The following CDK19 variants were observed in gnomAD, a reference collection of about 807,000 sequenced individuals.
CDK19 encodes cyclin dependent kinase 19, also known as cyclin-dependent kinase 19.
CDK19 carries 20 observed loss-of-function variants against 68.3 expected under a neutral mutation model. That is an observed-to-expected ratio of 0.29 (90% CI 0.21 to 0.43). The LOEUF (loss-of-function observed/expected upper bound fraction) is 0.43, where lower values mean the gene tolerates loss of function less well. Among genes scored for constraint, CDK19 ranks in the 20% least tolerant of loss-of-function variants. The pLI, the probability that CDK19 is intolerant of heterozygous loss-of-function variation, is 1.00. For synonymous variants in CDK19, 221 were observed against 222.8 expected (o/e 0.99, Z 0.07); for missense variants, 339 against 623.5 (o/e 0.54, Z 4.86).
intron 4 of CDK19, among the ~76,000 whole-genome samples, chr6:110,645,507 A>G (rs888614530): frequency 2.0e-5 from 3 of 152,192 alleles, no homozygotes; most frequent in African/African-American, 7.2e-5. Context: ...AAAAATAGAG[A>G]AAGAGAAAAG....
At chr6:110,730,238 T>C (rs532238054) in intron 2 of CDK19, among the ~76,000 whole-genome samples, 2 of 152,268 alleles carry the variant, frequency 1.3e-5, no homozygotes, top group East Asian at 1.9e-4. Context: ...AAAAAGGAAG[T>C]AGCTATAGTG....
chr6:110,726,598 C>T (rs1450695922), intron 2 of CDK19, among the ~76,000 whole-genome samples: 3 of 152,060 alleles, frequency 2.0e-5, no homozygotes. Context: ...ATATTTTGAA[C>T]TAGTGGTTTG....
At position 110,646,672 on chromosome 6, in the gene CDK19, T is replaced by C. The variant is rs145183478; in HGVS notation, c.457-7966A>G. On this transcript the variant is annotated intron_variant, in intron 4 of 12. Coordinates refer to ENST00000368911, the MANE Select transcript of CDK19 (RefSeq NM_015076.5). ...CCCTTTTCCCTTTGGCTTTGCTATA[T>C]GTCTCTCTGGGAATTTCTGGAATCT... The C allele has an allele frequency of 2.3e-3, 1,089 of 482,882 alleles. 4 individuals are homozygous for C. The highest frequency in any genetic ancestry group is 0.019 in the African/African-American group (968 of 50,826). 29.9% of individuals were successfully genotyped at this position (482,882 alleles called of 1,614,324 possible).
chr6:110,814,746 G>C (rs557992139), intron 1 of CDK19: 2 of 636,232 alleles, frequency 3.1e-6, no homozygotes, highest in Admixed American at 4.2e-5. Context: ...CGCCGTCTCC[G>C]AGCACTCGGA....
chr6:110,660,936 C>T (rs1175986396), intron 4 of CDK19, among the ~76,000 whole-genome samples: 1 of 152,144 alleles, frequency 6.6e-6, no homozygotes, highest in African/African-American at 2.4e-5. Context: ...AGGGACCCAC[C>T]CTCTTCTGCC....
intron 2 of CDK19, among the ~76,000 whole-genome samples, chr6:110,695,339 T>C (rs1231623113): frequency 2.6e-5 from 4 of 152,076 alleles, no homozygotes; most frequent in African/African-American, 9.7e-5. Flanking sequence ...GCAAAACCTC[T>C]GGGATACAGA....
At chr6:110,731,130 GAAAAGAA>G (rs1010973058) in intron 2 of CDK19, among the ~76,000 whole-genome samples, 39 of 142,358 alleles carry the variant, frequency 2.7e-4, no homozygotes, top group African/African-American at 1.2e-3. Context: ...GAAAAGAAAA[GAAAAGAA>G]AAAAGAAAAG....
chr6:110,639,407 G>A (rs1452934259), intron 4 of CDK19, among the ~76,000 whole-genome samples: 1 of 152,176 alleles, frequency 6.6e-6, no homozygotes, highest in African/African-American at 2.4e-5. Flanking sequence ...GAAGGAAAAT[G>A]TATGTGTTAT....
intron 2 of CDK19, among the ~76,000 whole-genome samples, chr6:110,698,897 C>T (rs770714362): frequency 6.6e-6 from 1 of 151,446 alleles, no homozygotes; most frequent in Admixed American, 6.6e-5. Flanking sequence ...ATGATAAAAC[C>T]CCATCTCTAC....
At chr6:110,631,107 C>T (rs1779410077) in intron 6 of CDK19, among the ~76,000 whole-genome samples, 1 of 152,152 alleles carries the variant, frequency 6.6e-6, no homozygotes, top group Non-Finnish European at 1.5e-5. Flanking sequence ...TAATTTTATA[C>T]TTGCAGTGCC....
chr6:110,803,341 A>T (rs2115120185), intron 1 of CDK19, among the ~76,000 whole-genome samples: 1 of 152,338 alleles, frequency 6.6e-6, no homozygotes, highest in East Asian at 1.9e-4. Context: ...GGCCTCCCAA[A>T]GTGCTGGGAT....
intron 1 of CDK19, among the ~76,000 whole-genome samples, chr6:110,763,339 G>A (rs756705310): frequency 2.0e-5 from 3 of 151,374 alleles, no homozygotes; most frequent in African/African-American, 4.9e-5. Context: ...ATTATAATTC[G>A]TGGAGAGAAA....
chr6:110,665,159 G>A (rs142015600), intron 4 of CDK19, among the ~76,000 whole-genome samples: 81 of 152,296 alleles, frequency 5.3e-4, no homozygotes, highest in African/African-American at 1.8e-3. Context: ...TCAGAAGGTC[G>A]AAAGTAGATT....
At chr6:110,755,387 T>C (rs1049715464) in intron 1 of CDK19, among the ~76,000 whole-genome samples, 15 of 152,126 alleles carry the variant, frequency 9.9e-5, no homozygotes, top group African/African-American at 3.6e-4. Context: ...GGGTACAATC[T>C]AATAAATGCT....
intron 6 of CDK19, 151 bp downstream of exon 6, chr6:110,631,879 C>A: frequency 1.4e-6 from 1 of 701,712 alleles, no homozygotes. Flanking sequence ...AGTTAACAAT[C>A]TAAATCTACC....
At chr6:110,719,991 C>A (rs999778879) in intron 2 of CDK19, among the ~76,000 whole-genome samples, 51 of 123,882 alleles carry the variant, frequency 4.1e-4, no homozygotes, top group African/African-American at 1.4e-3. Context: ...CCCCCACCCC[C>A]CCCCTGCTTC....
chr6:110,770,232 C>T (rs1779912939), intron 1 of CDK19, among the ~76,000 whole-genome samples: 1 of 152,126 alleles, frequency 6.6e-6, no homozygotes, highest in Non-Finnish European at 1.5e-5. Context: ...ATATAATATG[C>T]AGCTACTTTG....
At chr6:110,663,932 A>G (rs1781764520) in intron 4 of CDK19, among the ~76,000 whole-genome samples, 2 of 152,210 alleles carry the variant, frequency 1.3e-5, no homozygotes. Context: ...CTACGTAAGA[A>G]CCATATTCAG....
intron 2 of CDK19, among the ~76,000 whole-genome samples, chr6:110,727,641 C>T (rs1309638964): frequency 6.6e-6 from 1 of 151,922 alleles, no homozygotes; most frequent in Non-Finnish European, 1.5e-5. Flanking sequence ...TCTGTCTGCC[C>T]TCTCCATCTT....
Sources: allele counts gnomAD v4.1 joint callset (sites outside exome capture counted in the v4.1 genomes callset), GRCh38; gene constraint gnomAD v4.1.1; transcripts MANE v1.5; gene names NCBI Gene and HGNC (gene_info 2026-07-23, HGNC 2026-07-21).